The following DST variants were observed in gnomAD, a reference collection of about 807,000 sequenced individuals.
The protein encoded by DST is dystonin.
Under a neutral mutation model 875.2 loss-of-function variants are expected in DST, and 253 were observed. That is an observed-to-expected ratio of 0.29 (90% CI 0.26 to 0.32). The LOEUF (loss-of-function observed/expected upper bound fraction) is 0.32. Among genes scored for constraint, DST ranks in the 10% least tolerant of loss-of-function variants. The pLI is 1.00. For missense variants in DST, 8,287 were observed against 9,111.6 expected (o/e 0.91, Z 3.68); for synonymous variants, 3,124 against 3,197.1 (o/e 0.98, Z 0.77).
At chr6:56,474,105 C>A in intron 92 of DST, 103 bp from the exon 93 acceptor site, 1 of 1,009,576 alleles carries the variant, frequency 9.9e-7, no homozygotes. Context: ...GTTATTATTT[C>A]TGAAGAAGAA....
At chr6:56,949,713 C>G (rs183489918) in intron 2 of DST, among the ~76,000 whole-genome samples, 4 of 152,068 alleles carry the variant, frequency 2.6e-5, no homozygotes, top group Non-Finnish European at 5.9e-5. Context: ...TTAATTTAGA[C>G]CTAAAACGTA....
intron 4 of DST, among the ~76,000 whole-genome samples, chr6:56,741,248 T>C (rs887685611): frequency 2.6e-5 from 4 of 152,238 alleles, no homozygotes; most frequent in African/African-American, 9.6e-5. Context: ...TTGTGCTAGA[T>C]GCTCAAAAGC....
chr6:56,824,267 T>C (rs2099776761), intron 4 of DST, among the ~76,000 whole-genome samples: 2 of 152,222 alleles, frequency 1.3e-5, no homozygotes, highest in South Asian at 4.1e-4. Context: ...AGCCTCGGCC[T>C]CTCGAGGTGC....
At chr6:56,894,662 T>TC (rs1227463695) in intron 3 of DST, among the ~76,000 whole-genome samples, 1 of 37,962 alleles carries the variant, frequency 2.6e-5, no homozygotes, top group Non-Finnish European at 4.4e-5. Flanking sequence ...ATGGGGCTGA[T>TC]CCCCCCACCT....
chr6:56,843,164 G>C (rs370536657), intron 4 of DST: 1 of 1,548,590 alleles, frequency 6.5e-7, no homozygotes, highest in Non-Finnish European at 8.8e-7. Flanking sequence ...TTATCTAAGC[G>C]ATGACTGACA....
rs113089423 is a variant in DST at position 56,539,280 on chromosome 6, T to C, written c.16609-2340A>G. On this transcript the variant is annotated intron_variant, in intron 61 of 103. Transcript: ENST00000680361. ...ACTAAGGATTTAAAAAGATAACTAC[T>C]AAAGAGTATATACTCCCCTAAGATT... Among the ~76,000 whole-genome samples the C allele has an allele frequency of 9.6e-3, 1,458 of 152,238 alleles. 23 individuals are homozygous for C. Among genetic ancestry groups the C allele is most frequent in the African/African-American group, 0.032 (1,342 of 41,536 alleles).
In DST at chr6:56,610,537, A is replaced by G. The variant is rs2098536029; in HGVS notation, c.5173T>C (p.Leu1725=). 6.4e-7 allele frequency: 1 copy of G among 1,572,062 alleles called. No homozygotes were observed. Among genetic ancestry groups the G allele is most frequent in the Non-Finnish European group, 8.6e-7 (1 of 1,159,964 alleles). ...DKMTDEERNE[L]EKQVKTLQES... ...TGAAGAGTTTTCACTTGTTTTTCCA[A>G]TTCATTTCTTTCTTCATCTGTCATT... Residue 1725 remains leucine (L), a synonymous_variant, in exon 39 of 104, where the codon TTG becomes CTG. Transcript: ENST00000680361.
chr6:56,892,074 C>CT lies in DST; in HGVS notation c.417+8346_417+8347insA, dbSNP rs1013222440. On this transcript the variant is annotated intron_variant, in intron 3 of 103. Coordinates refer to ENST00000680361, the MANE Select transcript of DST (RefSeq NM_001374736.1). ...CTAACTGTCCTGCTCTCCTGATGTA[C>CT]CCTGCACATGTTTAATCCTCCTAAA... Among the ~76,000 whole-genome samples, 7 of 152,284 alleles carry CT rather than the reference C, an allele frequency of 4.6e-5. No homozygotes were observed. In the South Asian group the frequency reaches 6.2e-4, roughly 14 times the overall value.
chr6:56,642,077 C>A lies in DST; in HGVS notation c.1897G>T (p.Val633Leu), dbSNP rs183335254. 6.2e-7 allele frequency: 1 copy of A among 1,612,576 alleles called. No individual in the cohort carries two copies. The highest frequency in any genetic ancestry group is 2.2e-5 in the East Asian group (1 of 44,830). ...ATTTCTGCTTCATTCTGAAACTGCA[C>A]TCCTGATTCTAATCTTTTAGAATCC... ...QSDSKRLESG[V>L]QFQNEAEIAG... Residue 633 changes from valine to leucine, a missense_variant, in exon 17 of 104, where the codon GTG becomes TTG. Transcript: ENST00000680361.
intron 2 of DST, among the ~76,000 whole-genome samples, chr6:56,947,913 T>G (rs893058667): frequency 1.3e-5 from 2 of 152,250 alleles, no homozygotes; most frequent in African/African-American, 4.8e-5. Context: ...AAACCATGAA[T>G]AGTACTAAAC....
chr6:56,573,035 C>T lies in DST; in HGVS notation c.13266G>A (p.Gln4422=), dbSNP rs754995896. 14 of 1,593,602 alleles carry T rather than the reference C, an allele frequency of 8.8e-6. No individual in the cohort carries two copies. The highest frequency in any genetic ancestry group is 1.0e-5 in the Non-Finnish European group (12 of 1,170,442). The change falls in exon 52 of 104, where the codon CAG becomes CAA. Residue 4422 remains glutamine (Q), a synonymous_variant. Transcript: ENST00000680361. ...TTTCATTCATGGCATTTATACTGCT[C>T]TGACGACCTGCAATATCCTGTTCCA... The part of the protein sequence containing the change: ...IMLEQDIAGR[Q]SSINAMNEKV...
chr6:56,843,517 C>A, intron 4 of DST: 1 of 985,190 alleles, frequency 1.0e-6, no homozygotes. Context: ...GCGCCCGGAC[C>A]CTCTGCGGCC....
chr6:56,899,140 ATAAG>A (rs762128716), intron 3 of DST, among the ~76,000 whole-genome samples: 47 of 152,226 alleles, frequency 3.1e-4, no homozygotes, highest in Admixed American at 1.3e-4. Context: ...GAATTGTTAA[ATAAG>A]TGACATAAAA....
At chr6:56,898,479 T>C (rs1562330259) in intron 3 of DST, among the ~76,000 whole-genome samples, 1 of 152,294 alleles carries the variant, frequency 6.6e-6, no homozygotes, top group East Asian at 1.9e-4. Flanking sequence ...TCAATCCTGA[T>C]CCACATGGGG....
At chr6:56,818,669 A>C (rs1345845783) in intron 4 of DST, among the ~76,000 whole-genome samples, 2 of 152,156 alleles carry the variant, frequency 1.3e-5, no homozygotes, top group Non-Finnish European at 2.9e-5. Flanking sequence ...ATCAACATAA[A>C]ATTCAGAGTA....
Position 56,562,125 on chromosome 6 carries a change from A to T in DST, c.14068+13T>A. ...ATTACATTAATCAGTAACAAATTAAAATTAATACTCACCTTTATTTGCCCA... is the reference window on the plus strand; with the variant it reads ...ATTACATTAATCAGTAACAAATTAATATTAATACTCACCTTTATTTGCCCA... On this transcript the variant is annotated intron_variant, in intron 56 of 103. Transcript: ENST00000680361. 2 of 1,496,428 alleles carry T rather than the reference A, an allele frequency of 1.3e-6. No individual in the cohort carries two copies. The highest frequency in any genetic ancestry group is 1.3e-5 in the South Asian group (1 of 78,334). The allele number at this position is 1,496,428 out of a possible 1,614,324, so 92.7% of individuals were successfully genotyped here. A position where few individuals can be genotyped will look rare whatever the true frequency, so the allele number is the denominator to read the frequency against.
intron 4 of DST, among the ~76,000 whole-genome samples, chr6:56,825,984 T>C (rs1192684087): frequency 6.6e-6 from 1 of 152,232 alleles, no homozygotes; most frequent in Non-Finnish European, 1.5e-5. Context: ...TATATATAAT[T>C]TATTAAATAA....
chr6:56,714,405 A>G lies in DST; in HGVS notation c.688-10036T>C, dbSNP rs1413288733. On this transcript the variant is annotated intron_variant, in intron 5 of 103. Coordinates refer to ENST00000680361, the MANE Select transcript of DST (RefSeq NM_001374736.1). This position sits in a 1 kb window ranked among gnomAD's most constrained non-coding sequence, Gnocchi z 4.5. ...ACTTTCAGATTCTAGTCTACTCAAC[A>G]GAGATCTCCGGACCACAGATGCTTA... Among the ~76,000 whole-genome samples, 1 of 152,240 alleles carries G rather than the reference A, an allele frequency of 6.6e-6. No homozygotes were observed. Among genetic ancestry groups the G allele is most frequent in the Non-Finnish European group, 1.5e-5 (1 of 68,040 alleles).
intron 62 of DST, 111 bp from the exon 63 acceptor site, chr6:56,535,403 T>C: frequency 7.7e-7 from 1 of 1,293,712 alleles, no homozygotes. Context: ...CAAATTTTCT[T>C]TTACTTTTCA....
Sources: allele counts gnomAD v4.1 joint callset (sites outside exome capture counted in the v4.1 genomes callset), GRCh38; gene constraint gnomAD v4.1.1; non-coding constraint Gnocchi (gnomAD v3.1); transcripts MANE v1.5; gene names NCBI Gene and HGNC (gene_info 2026-07-23, HGNC 2026-07-21).